The following ARHGEF10 variants were observed in gnomAD, a reference collection of about 807,000 sequenced individuals.
ARHGEF10 encodes Rho guanine nucleotide exchange factor 10, also known as Rho guanine nucleotide exchange factor (GEF) 10.
Under a neutral mutation model 147.4 loss-of-function variants are expected in ARHGEF10, and 140 were observed. That is an observed-to-expected ratio of 0.95 (90% CI 0.83 to 1.09). The LOEUF (loss-of-function observed/expected upper bound fraction) is 1.09, where lower values mean the gene tolerates loss of function less well. Ranked by LOEUF, ARHGEF10 falls within the 50% of genes least tolerant of loss-of-function variation. The pLI, the probability that ARHGEF10 is intolerant of heterozygous loss-of-function variation, is 0.00. For synonymous variants in ARHGEF10, 902 were observed against 695.8 expected (o/e 1.30, Z -4.67); for missense variants, 2,222 against 1,752.7 (o/e 1.27, Z -4.78).
In ARHGEF10 at chr8:1,824,119, T is replaced by G. The variant is rs1037174805; in HGVS notation, c.-48+6T>G. On this transcript the variant is annotated splice_donor_region_variant and intron_variant, in intron 1 of 28. Coordinates refer to ENST00000349830, the MANE Select transcript of ARHGEF10 (RefSeq NM_014629.4). ...GTCGCGTCCTGGCCGCCGAGGTGAG[T>G]GCGGGCCCCGCGGACCGTGGGTCCC... 1 of 151,472 alleles carries G rather than the reference T, an allele frequency of 6.6e-6. No individual in the cohort carries two copies. The allele number at this position is 151,472 out of a possible 1,614,324, so 9.4% of individuals were successfully genotyped here.
At chr8:1,914,734 G>T (rs1195775673) in intron 18 of ARHGEF10, among the ~76,000 whole-genome samples, 1 of 152,240 alleles carries the variant, frequency 6.6e-6, no homozygotes, top group Non-Finnish European at 1.5e-5. Flanking sequence ...CAGCACGTGT[G>T]TGTGTGTGGG....
At chr8:1,832,715 G>GAGACAGAGAGAC (rs1803243105) in intron 1 of ARHGEF10, among the ~76,000 whole-genome samples, 1 of 99,666 alleles carries the variant, frequency 1.0e-5, no homozygotes, top group African/African-American at 3.3e-5. Context: ...GGCAGAGACA[G>GAGACAGAGAGAC]AGGCAGAGAG....
At chr8:1,918,052 T>A (rs1292327898) in intron 18 of ARHGEF10, among the ~76,000 whole-genome samples, 1 of 151,944 alleles carries the variant, frequency 6.6e-6, no homozygotes, top group Admixed American at 6.6e-5. Context: ...CCTCCCAAAG[T>A]GCTGGGATTA....
rs573210813 is a variant in ARHGEF10, at chr8:1,823,980, T to TCGCGGGGGA, written c.-160_-152dup. 0.014 allele frequency: 1,688 copies of TCGCGGGGGA among 123,102 alleles called. 45 individuals carry two copies. The highest frequency in any genetic ancestry group is 0.028 in the Middle Eastern group (6 of 218). The allele number at this position is 123,102 out of a possible 1,614,324, so 7.6% of individuals were successfully genotyped here. ...GGCGCGCGATCCGGGACGGACGGGGTCGCGGGGGACGCGGGGGACGCGGGG... is the reference window on the plus strand; with the variant it reads ...GGCGCGCGATCCGGGACGGACGGGGTCGCGGGGGACGCGGGGGACGCGGGGGACGCGGGG... On this transcript the variant is annotated 5_prime_UTR_variant, in exon 1 of 29. Transcript: ENST00000349830.
Position 1,905,634 on chromosome 8 carries a change from G to A in ARHGEF10, c.1885G>A (p.Asp629Asn), listed in dbSNP as rs776607282. The stretch of plus-strand genomic sequence containing the variant: ...TGATATGATAGAAACAGTTTACAAC[G>A]ACAGAGGAGAGATTGTTAAAACCAA... ...SDDMIETVYN[D>N]RGEIVKTKER... The change falls in exon 17 of 29, where the codon GAC (aspartate) becomes AAC (asparagine). Residue 629 changes from aspartate (D) to asparagine (N), a missense_variant. Coordinates refer to ENST00000349830, the MANE Select transcript of ARHGEF10 (RefSeq NM_014629.4). 9 of 1,614,036 alleles carry A rather than the reference G, an allele frequency of 5.6e-6. No homozygotes were observed. The highest frequency in any genetic ancestry group is 5.3e-5 in the African/African-American group (4 of 74,918).
intron 25 of ARHGEF10, among the ~76,000 whole-genome samples, chr8:1,930,117 G>C (rs549072345): frequency 1.3e-5 from 2 of 152,052 alleles, no homozygotes; most frequent in South Asian, 2.1e-4. Flanking sequence ...GGCTGAGGCT[G>C]CTCTCCTGGC....
chr8:1,858,173 C>T (rs1375332495), intron 3 of ARHGEF10, 58 bp downstream of exon 3: 2 of 1,537,302 alleles, frequency 1.3e-6, no homozygotes, highest in Non-Finnish European at 1.8e-6. Flanking sequence ...GGTGAGTCCC[C>T]AGGTGGGTCC....
chr8:1,898,337 T>A, intron 14 of ARHGEF10, 96 bp from the exon 15 acceptor site: 3 of 1,076,604 alleles, frequency 2.8e-6, no homozygotes, highest in South Asian at 1.3e-5. Context: ...CTTTTGACTT[T>A]CCCGAGTGTT....
Position 1,957,207 on chromosome 8 carries a change from C to G in ARHGEF10, c.3979C>G (p.Gln1327Glu), listed in dbSNP as rs372914107. The change falls in exon 29 of 29, where the codon CAG becomes GAG. Residue 1327 changes from glutamine to glutamate, a missense_variant. Coordinates refer to ENST00000349830, the MANE Select transcript of ARHGEF10 (RefSeq NM_014629.4). ...RVHRKARQPH[Q>E]EELAPTVMVW... ...GCACAGGAAGGCCCGGCAGCCCCAC[C>G]AGGAAGAGCTGGCGCCGACCGTCAT... 1.7e-5 allele frequency: 27 copies of G among 1,612,202 alleles called. No homozygotes were observed. In the African/African-American group the frequency reaches 3.5e-4, roughly 21 times the overall value.
intron 27 of ARHGEF10, among the ~76,000 whole-genome samples, chr8:1,949,770 C>A (rs901238034): frequency 2.0e-5 from 3 of 151,776 alleles, no homozygotes; most frequent in Non-Finnish European, 4.4e-5. Flanking sequence ...AGTTAACGAA[C>A]GAGACTGAGG....
intron 1 of ARHGEF10, among the ~76,000 whole-genome samples, chr8:1,832,519 CAG>C (rs1335479568): frequency 1.0e-5 from 1 of 98,482 alleles, no homozygotes; most frequent in Non-Finnish European, 2.1e-5. Context: ...GAGACAGAGA[CAG>C]AGGTAGAGAG....
At position 1,958,212 on chromosome 8, in the gene ARHGEF10, T is replaced by A. The variant is rs1815729305; in HGVS notation, c.*949T>A. 1 of 152,274 alleles carries A rather than the reference T, an allele frequency of 6.6e-6. No individual in the cohort carries two copies. Among genetic ancestry groups the A allele is most frequent in the African/African-American group, 2.4e-5 (1 of 41,470 alleles). 9.4% of individuals were successfully genotyped at this position (152,274 alleles called of 1,614,324 possible). ...ACTCCTGGTGCTAGGCCATGCTGGCTGCTGTCACTGAGCGGGACTCAGGCC... is the reference window on the plus strand; with the variant it reads ...ACTCCTGGTGCTAGGCCATGCTGGCAGCTGTCACTGAGCGGGACTCAGGCC... On this transcript the variant is annotated 3_prime_UTR_variant, in exon 29 of 29. Coordinates refer to ENST00000349830, the MANE Select transcript of ARHGEF10 (RefSeq NM_014629.4).
chr8:1,878,780 C>A (rs1228810615), intron 8 of ARHGEF10, among the ~76,000 whole-genome samples: 1 of 152,186 alleles, frequency 6.6e-6, no homozygotes, highest in Non-Finnish European at 1.5e-5. Context: ...CCAGAGGAGC[C>A]CTTGACTGTC....
In ARHGEF10 at chr8:1,857,831, A is replaced by G. The variant is rs1040190071; in HGVS notation, c.38-129A>G. ...TAAAAAGGTTAACTACAAGCGCAGT[A>G]CAGCACAGAGGAACTTAGTCAGTGT... On this transcript the variant is annotated intron_variant, in intron 2 of 28. Transcript: ENST00000349830. 9 of 864,544 alleles carry G rather than the reference A, an allele frequency of 1.0e-5. No homozygotes were observed. The African/African-American group carries it at 1.2e-4, about 11-fold the overall frequency. 53.6% of individuals were successfully genotyped at this position (864,544 alleles called of 1,614,324 possible). A position where few individuals can be genotyped will look rare whatever the true frequency, so the allele number is the denominator to read the frequency against.
At position 1,866,533 on chromosome 8, in the gene ARHGEF10, C is replaced by G. The variant is rs1806630636; in HGVS notation, c.553C>G (p.Gln185Glu). ...TGGTTTGTTTTCTTTAAGTGAAGAT[C>G]AAGTCGGTCGAGAGGACAGCGCACT... is the stretch of plus-strand genomic sequence containing the variant. ...SSEEPPTSED[Q>E]VGREDSALAR... Residue 185 changes from glutamine (Q) to glutamate (E), a missense_variant, in exon 6 of 29, where the codon CAA becomes GAA. Transcript: ENST00000349830. The G allele has an allele frequency of 1.9e-6, 3 of 1,611,456 alleles. No individual in the cohort carries two copies. Among genetic ancestry groups the G allele is most frequent in the Non-Finnish European group, 2.5e-6 (3 of 1,179,994 alleles).
chr8:1,881,290 G>A lies in ARHGEF10; in HGVS notation c.960+1126G>A, dbSNP rs557006210. Among the ~76,000 whole-genome samples the A allele has an allele frequency of 2.7e-5, 4 of 148,646 alleles. 1 individual carries two copies. Among genetic ancestry groups the A allele is most frequent in the African/African-American group, 1.0e-4 (4 of 39,438 alleles). On this transcript the variant is annotated intron_variant, in intron 9 of 28. Transcript: ENST00000349830. ...GGGGTCTCACCTGCTCTGGGGCTCA[G>A]GGAGCATGGCGGCCCTCCAGTTTGT...
At chr8:1,833,230 A>T (rs1803354861) in intron 1 of ARHGEF10, among the ~76,000 whole-genome samples, 1 of 150,714 alleles carries the variant, frequency 6.6e-6, no homozygotes, top group Non-Finnish European at 1.5e-5. Flanking sequence ...AGAGGGATGC[A>T]GAGGGAGACA....
intron 26 of ARHGEF10, among the ~76,000 whole-genome samples, chr8:1,941,750 C>T (rs1814109905): frequency 6.6e-6 from 1 of 152,182 alleles, no homozygotes; most frequent in South Asian, 2.1e-4. Context: ...ATGGTGCTGG[C>T]ACGGGACAGA....
chr8:1,839,517 A>T (rs1202540750), intron 1 of ARHGEF10, among the ~76,000 whole-genome samples: 2 of 100,410 alleles, frequency 2.0e-5, no homozygotes, highest in Non-Finnish European at 3.9e-5. Context: ...CCGGTGTGGA[A>T]GCTGTCCGAT....
Sources: allele counts gnomAD v4.1 joint callset (sites outside exome capture counted in the v4.1 genomes callset), GRCh38; gene constraint gnomAD v4.1.1; transcripts MANE v1.5; gene names NCBI Gene and HGNC (gene_info 2026-07-23, HGNC 2026-07-21).